The following ZFP91 variants were observed in gnomAD, a reference collection of about 807,000 sequenced individuals.
The protein encoded by ZFP91 is E3 ubiquitin-protein ligase ZFP91.
Under a neutral mutation model 63.5 loss-of-function variants are expected in ZFP91, and 7 were observed. The ratio of observed to expected loss-of-function variants is 0.11; its 90% confidence interval spans 0.06 to 0.21. ZFP91 has a LOEUF of 0.21. Among genes scored for constraint, ZFP91 ranks in the 10% least tolerant of loss-of-function variants. The pLI, the probability that ZFP91 is intolerant of heterozygous loss-of-function variation, is 1.00. For synonymous variants in ZFP91, 330 were observed against 272.1 expected (o/e 1.21, Z -2.10); for missense variants, 628 against 736.6 (o/e 0.85, Z 1.71).
chr11:58,582,621 A>T (rs1855137543), intron 1 of ZFP91, among the ~76,000 whole-genome samples: 1 of 152,228 alleles, frequency 6.6e-6, no homozygotes. Context: ...TGGATAAAGC[A>T]TTGGACTTTA....
chr11:58,580,707 G>C (rs969396409), intron 1 of ZFP91, among the ~76,000 whole-genome samples: 1 of 152,208 alleles, frequency 6.6e-6, no homozygotes, highest in Non-Finnish European at 1.5e-5. Context: ...GCTTGCCTTA[G>C]AAGCCTCTCA....
chr11:58,610,649 C>G (rs1412489674), intron 4 of ZFP91, among the ~76,000 whole-genome samples: 5 of 152,130 alleles, frequency 3.3e-5, no homozygotes, highest in Non-Finnish European at 7.4e-5. Context: ...TGTGATTTAT[C>G]TGTTAGTAGG....
rs947258831 is a variant in ZFP91, at chr11:58,579,451, G to T, written c.170G>T (p.Gly57Val). The T allele has an allele frequency of 2.5e-5, 37 of 1,451,190 alleles. No individual in the cohort carries two copies. The highest frequency in any genetic ancestry group is 3.0e-5 in the African/African-American group (2 of 66,848). 89.9% of individuals were successfully genotyped at this position (1,451,190 alleles called of 1,614,324 possible). Residue 57 changes from glycine (G) to valine (V), a missense_variant, in exon 1 of 11, where the codon GGC becomes GTC. Physicochemically the swap from Gly to Val is moderately radical, Grantham distance 109. Transcript: ENST00000316059. ...SRVLRGGRDR[G>V]RAAAAAAAAA... ...GTGCTGAGGGGAGGTCGGGACCGAGGCCGGGCCGCTGCGGCCGCCGCCGCC... is the reference window on the plus strand; with the variant it reads ...GTGCTGAGGGGAGGTCGGGACCGAGTCCGGGCCGCTGCGGCCGCCGCCGCC...
At chr11:58,607,403 A>G (rs1448912511) in intron 2 of ZFP91, among the ~76,000 whole-genome samples, 1 of 152,140 alleles carries the variant, frequency 6.6e-6, no homozygotes, top group Non-Finnish European at 1.5e-5. Flanking sequence ...TTATGGGTAA[A>G]ACGTAATGGA....
At chr11:58,613,486 A>G (rs1855700593) in intron 8 of ZFP91, among the ~76,000 whole-genome samples, 1 of 152,188 alleles carries the variant, frequency 6.6e-6, no homozygotes, top group Non-Finnish European at 1.5e-5. Flanking sequence ...CTCCTGTTTA[A>G]AAAGAGGTGA....
At chr11:58,579,928 G>T (rs1855077092) in intron 1 of ZFP91, among the ~76,000 whole-genome samples, 1 of 151,918 alleles carries the variant, frequency 6.6e-6, no homozygotes, top group Non-Finnish European at 1.5e-5. Flanking sequence ...CCTCTTTCTG[G>T]CATCCGCACC....
chr11:58,591,729 G>C (rs1855309818), intron 2 of ZFP91, among the ~76,000 whole-genome samples: 11 of 152,164 alleles, frequency 7.2e-5, no homozygotes, highest in Admixed American at 7.2e-4. Flanking sequence ...ATTATGCAAT[G>C]TATGTAGGAA....
At chr11:58,587,704 G>A (rs189121848) in intron 2 of ZFP91, among the ~76,000 whole-genome samples, 103 of 152,136 alleles carry the variant, frequency 6.8e-4, no homozygotes, top group African/African-American at 2.3e-3. Context: ...CTACCTACAC[G>A]TAATTTTTAG....
chr11:58,598,042 A>G (rs1855431207), intron 2 of ZFP91, among the ~76,000 whole-genome samples: 1 of 152,148 alleles, frequency 6.6e-6, no homozygotes, highest in South Asian at 2.1e-4. Flanking sequence ...TATCCTCATG[A>G]CATTTTAAGC....
intron 2 of ZFP91, among the ~76,000 whole-genome samples, chr11:58,589,922 A>C (rs192764930): frequency 1.9e-4 from 29 of 152,362 alleles, no homozygotes; most frequent in Admixed American, 1.7e-3. Flanking sequence ...GGGATTACCT[A>C]TCAGGTAAAT....
intron 2 of ZFP91, among the ~76,000 whole-genome samples, chr11:58,595,909 T>G (rs568055641): frequency 6.6e-6 from 1 of 152,156 alleles, no homozygotes; most frequent in African/African-American, 2.4e-5. Context: ...ACTCATAGTA[T>G]AAACCACTCT....
intron 9 of ZFP91, among the ~76,000 whole-genome samples, 154 bp from the exon 10 acceptor site, chr11:58,616,562 C>A (rs563877332): frequency 6.6e-6 from 1 of 151,416 alleles, no homozygotes; most frequent in Non-Finnish European, 1.5e-5. Flanking sequence ...CAATACTTTT[C>A]TTTTTTAAAT....
chr11:58,588,600 C>T (rs1289871418), intron 2 of ZFP91, among the ~76,000 whole-genome samples: 1 of 152,132 alleles, frequency 6.6e-6, no homozygotes, highest in East Asian at 1.9e-4. Flanking sequence ...CTTTGATTAT[C>T]GTATCCTCTC....
intron 2 of ZFP91, among the ~76,000 whole-genome samples, chr11:58,605,160 C>T (rs1406553165): frequency 6.6e-6 from 1 of 152,136 alleles, no homozygotes; most frequent in African/African-American, 2.4e-5. Flanking sequence ...AGTTTAATGC[C>T]AGTTTAGCTT....
chr11:58,599,008 A>G (rs1416136997), intron 2 of ZFP91, among the ~76,000 whole-genome samples: 2 of 151,960 alleles, frequency 1.3e-5, no homozygotes, highest in South Asian at 2.1e-4. Context: ...CTTTGTCTCT[A>G]TGGATTTACC....
intron 5 of ZFP91, 120 bp from the exon 6 acceptor site, chr11:58,611,484 T>C: frequency 7.8e-7 from 1 of 1,281,868 alleles, no homozygotes; most frequent in Non-Finnish European, 1.1e-6. Context: ...AAATCACATT[T>C]CATGAACTGA....
At position 58,621,288 on chromosome 11, in the gene ZFP91, C is replaced by G. The variant is rs1027601646; in HGVS notation, c.*3582C>G. ...GACAACTGCCTCCTAGGAAAACTGG[C>G]CATATGTTAATTAACCTAGTAGATG... On this transcript the variant is annotated 3_prime_UTR_variant, in exon 11 of 11. Coordinates refer to ENST00000316059, the MANE Select transcript of ZFP91 (RefSeq NM_053023.5). Among the ~76,000 whole-genome samples, 1 of 152,084 alleles carries G rather than the reference C, an allele frequency of 6.6e-6. No individual in the cohort carries two copies. The highest frequency in any genetic ancestry group is 1.5e-5 in the Non-Finnish European group (1 of 68,018).
chr11:58,614,103 C>G (rs1374656918), intron 8 of ZFP91, 126 bp from the exon 9 acceptor site: 1 of 526,782 alleles, frequency 1.9e-6, no homozygotes, highest in African/African-American at 1.9e-5. Flanking sequence ...TATTATACTC[C>G]CTCACTATCC....
At position 58,614,294 on chromosome 11, in the gene ZFP91, A is replaced by C. The variant is rs762757303; in HGVS notation, c.1053A>C (p.Arg351=). Residue 351 remains arginine (R), a synonymous_variant, in exon 9 of 11, where the codon CGA becomes CGC. Transcript: ENST00000316059. The stretch of plus-strand genomic sequence containing the variant: ...TATGTCCCCATCCCTCCTGTGGACG[A>C]CTCTTCAGGCTTCAGAAGCAACTTC... ...KYVCPHPSCG[R]LFRLQKQLLR... 1 of 1,611,670 alleles carries C rather than the reference A, an allele frequency of 6.2e-7. No individual in the cohort carries two copies. Among genetic ancestry groups the C allele is most frequent in the Non-Finnish European group, 8.5e-7 (1 of 1,178,804 alleles).
Sources: gnomAD v4.1 joint callset for allele counts (sites outside exome capture counted in the v4.1 genomes callset) on GRCh38, gnomAD v4.1.1 for gene constraint, MANE v1.5 for transcripts, NCBI Gene and HGNC (gene_info 2026-07-23, HGNC 2026-07-21) for gene names.